Variants in PLEKHG3 observed in about 807,000 individuals in gnomAD.
PLEKHG3 encodes the protein pleckstrin homology domain-containing family G member 3.
PLEKHG3 carries 62 observed loss-of-function variants against 94.9 expected under a neutral mutation model. The ratio of observed to expected loss-of-function variants is 0.65; its 90% CI spans 0.53 to 0.81. The LOEUF (loss-of-function observed/expected upper bound fraction) is 0.81. Ranked by LOEUF, PLEKHG3 falls within the 30% of genes least tolerant of loss-of-function variation. The probability of loss-of-function intolerance (pLI) is 0.00; values close to 1 mark genes in which losing one functional copy is unlikely to be tolerated. For synonymous variants in PLEKHG3, 614 were observed against 654.0 expected (o/e 0.94, Z 0.93); for missense variants, 1,461 against 1,619.3 (o/e 0.90, Z 1.68).
rs1421108702 is a variant in PLEKHG3, at chr14:64,722,644, G to A, written c.-39-4949G>A. ...CTGGCTCCAAAGCAGCTGTGGTGCGGTGTGGCTTCTCATTCTTGAGTGTGG... is the reference window on the plus strand; with the variant it reads ...CTGGCTCCAAAGCAGCTGTGGTGCGATGTGGCTTCTCATTCTTGAGTGTGG... On this transcript the variant is annotated intron_variant, in intron 1 of 16. Transcript: ENST00000247226. The surrounding 1 kb of genome is among the most constrained non-coding windows in gnomAD (Gnocchi z 4.3). Among the ~76,000 whole-genome samples, 1 of 152,208 alleles carries A rather than the reference G, an allele frequency of 6.6e-6. No homozygotes were observed. The highest frequency in any genetic ancestry group is 2.4e-5 in the African/African-American group (1 of 41,454).
Position 64,727,666 on chromosome 14 carries a change from G to A in PLEKHG3, c.35G>A (p.Ser12Asn). ...TCCACCTCCCTCCACCAGGATGGCA[G>A]CCAGGAGCGGCCGGTGAGCCTGACC... ...PVSTSLHQDG[S>N]QERPVSLTST... The change falls in exon 2 of 17, where the codon AGC (serine) becomes AAC (asparagine). Residue 12 changes from serine to asparagine, a missense_variant. By Grantham distance (46) the Ser-to-Asn change is conservative. Coordinates refer to ENST00000247226, the MANE Select transcript of PLEKHG3 (RefSeq NM_001308147.2). The surrounding 1 kb of genome is among the most constrained non-coding windows in gnomAD (Gnocchi z 6.0). 1.2e-6 allele frequency: 2 copies of A among 1,612,442 alleles called. No individual in the cohort carries two copies. The highest frequency in any genetic ancestry group is 1.7e-6 in the Non-Finnish European group (2 of 1,179,662).
chr14:64,728,067 C>A lies in PLEKHG3; in HGVS notation c.351+85C>A, dbSNP rs771437214. The stretch of plus-strand genomic sequence containing the variant: ...GGAAGCTCTCAAAAGACCTGCTTCC[C>A]ATAAAGTAGTTGGAGAACTGGGGTC... On this transcript the variant is annotated intron_variant, in intron 2 of 16. Transcript: ENST00000247226. The surrounding 1 kb of genome is among the most constrained non-coding windows in gnomAD (Gnocchi z 5.9). The A allele has an allele frequency of 1.1e-6, 1 of 878,854 alleles. No homozygotes were observed. The highest frequency in any genetic ancestry group is 1.7e-6 in the Non-Finnish European group (1 of 592,712). The allele number at this position is 878,854 out of a possible 1,614,324, so 54.4% of individuals were successfully genotyped here.
At chr14:64,724,484 TGACC>T (rs1377511330) in intron 1 of PLEKHG3, among the ~76,000 whole-genome samples, 2 of 152,208 alleles carry the variant, frequency 1.3e-5, no homozygotes, top group African/African-American at 2.4e-5. Flanking sequence ...CCAATCCTGG[TGACC>T]TCATACTTTC....
rs981107219 is a variant in PLEKHG3, at chr14:64,715,885, C to T, written c.-40+11181C>T. The T allele has an allele frequency of 2.8e-6, 1 of 361,170 alleles. No homozygotes were observed. Among genetic ancestry groups the T allele is most frequent in the South Asian group, 2.0e-5 (1 of 50,606 alleles). 22.4% of individuals were successfully genotyped at this position (361,170 alleles called of 1,614,324 possible). A position where few individuals can be genotyped will look rare whatever the true frequency, so the allele number is the denominator to read the frequency against. ...ATGAGAGAAATGCAGAAAGTATGAC[C>T]CACACGCAGAACTGGTTCTGAATAG... On this transcript the variant is annotated intron_variant, in intron 1 of 16. Coordinates refer to ENST00000247226, the MANE Select transcript of PLEKHG3 (RefSeq NM_001308147.2). This position sits in a 1 kb window ranked among gnomAD's most constrained non-coding sequence, Gnocchi z 4.4.
chr14:64,749,258 C>T lies in PLEKHG3; in HGVS notation c.*5555C>T, dbSNP rs1316917924. The stretch of plus-strand genomic sequence containing the variant: ...CGAGAGGAGGCCAAGGCCTGGGCTG[C>T]CCGGTCTCTGCGCGTCCCGACTCCG... On this transcript the variant is annotated 3_prime_UTR_variant, in exon 17 of 17. Coordinates refer to ENST00000247226, the MANE Select transcript of PLEKHG3 (RefSeq NM_001308147.2). The surrounding 1 kb of genome is among the most constrained non-coding windows in gnomAD (Gnocchi z 4.7). 1.9e-6 allele frequency: 3 copies of T among 1,538,760 alleles called. 1 individual carries two copies. Among genetic ancestry groups the T allele is most frequent in the Non-Finnish European group, 2.6e-6 (3 of 1,147,274 alleles).
Position 64,730,774 on chromosome 14 carries a change from T to C in PLEKHG3, c.567-25T>C, listed in dbSNP as rs2081442915. 6.2e-7 allele frequency: 1 copy of C among 1,612,308 alleles called. No individual in the cohort carries two copies. Among genetic ancestry groups the C allele is most frequent in the Non-Finnish European group, 8.5e-7 (1 of 1,178,652 alleles). On this transcript the variant is annotated intron_variant, in intron 5 of 16. Coordinates refer to ENST00000247226, the MANE Select transcript of PLEKHG3 (RefSeq NM_001308147.2). This position sits in a 1 kb window ranked among gnomAD's most constrained non-coding sequence, Gnocchi z 5.4. ...CCTCATCCAGGCCTTCCCCAGGTGGTGACTGGCCCTTCTCCCACTCCCAGC... is the reference window on the plus strand; with the variant it reads ...CCTCATCCAGGCCTTCCCCAGGTGGCGACTGGCCCTTCTCCCACTCCCAGC...
chr14:64,737,145 C>A (rs2081587220), intron 13 of PLEKHG3: 1 of 649,080 alleles, frequency 1.5e-6, no homozygotes, highest in Non-Finnish European at 2.8e-6. Flanking sequence ...CAGGCACAGA[C>A]CTGCGCTGCT....
intron 1 of PLEKHG3, among the ~76,000 whole-genome samples, chr14:64,713,973 G>A (rs2081099235): frequency 6.6e-6 from 1 of 151,840 alleles, no homozygotes; most frequent in Non-Finnish European, 1.5e-5. Flanking sequence ...TAATTGGCCT[G>A]TTCCTTACCC....
chr14:64,719,041 T>G (rs886906190), intron 1 of PLEKHG3, among the ~76,000 whole-genome samples: 3 of 152,160 alleles, frequency 2.0e-5, no homozygotes, highest in Non-Finnish European at 4.4e-5. Context: ...CGGACTCACT[T>G]AATACTTCAT....
At chr14:64,729,198 G>A (rs1273464164) in intron 3 of PLEKHG3, 105 bp downstream of exon 3, 1 of 575,260 alleles carries the variant, frequency 1.7e-6, no homozygotes, top group Non-Finnish European at 3.1e-6. Context: ...TGTGACATGT[G>A]GGCCTGGGGC....
At chr14:64,729,161 C>A in intron 3 of PLEKHG3, 68 bp downstream of exon 3, 1 of 661,908 alleles carries the variant, frequency 1.5e-6, no homozygotes. Context: ...TAGGGAGGAA[C>A]CCTGGATGTC....
chr14:64,710,651 A>G (rs1334156704), intron 1 of PLEKHG3, among the ~76,000 whole-genome samples: 2 of 152,184 alleles, frequency 1.3e-5, no homozygotes, highest in Non-Finnish European at 2.9e-5. Flanking sequence ...AGCCTGGGCG[A>G]CAAGAGCAGA....
Position 64,730,399 on chromosome 14 carries a change from C to A in PLEKHG3, c.519+87C>A. Reference sequence around the variant, plus strand: ...TGCCAGCATAAGAGGACATCTGAGTCCTGGGGATTCCTTTCCAGGGAAAGT... The same window carrying A: ...TGCCAGCATAAGAGGACATCTGAGTACTGGGGATTCCTTTCCAGGGAAAGT... On this transcript the variant is annotated intron_variant, in intron 4 of 16. Coordinates refer to ENST00000247226, the MANE Select transcript of PLEKHG3 (RefSeq NM_001308147.2). This position sits in a 1 kb window ranked among gnomAD's most constrained non-coding sequence, Gnocchi z 5.4. 1.1e-6 allele frequency: 1 copy of A among 909,068 alleles called. No homozygotes were observed. Among genetic ancestry groups the A allele is most frequent in the South Asian group, 1.4e-5 (1 of 70,716 alleles). 56.3% of individuals were successfully genotyped at this position (909,068 alleles called of 1,614,324 possible).
At position 64,737,802 on chromosome 14, in the gene PLEKHG3, G is replaced by A. The variant is rs1438667787; in HGVS notation, c.1404+427G>A. ...GAAGGCTCCCCCCCCGCAGCTGCCTGCAGGAGGACGGGAGGTTGCCCAAGA... is the reference window on the plus strand; with the variant it reads ...GAAGGCTCCCCCCCCGCAGCTGCCTACAGGAGGACGGGAGGTTGCCCAAGA... On this transcript the variant is annotated intron_variant, in intron 14 of 16. Transcript: ENST00000247226. 3.3e-6 allele frequency: 3 copies of A among 922,658 alleles called. No individual in the cohort carries two copies. In the Admixed American group the frequency reaches 1.4e-4, roughly 42 times the overall value. The allele number at this position is 922,658 out of a possible 1,614,324, so 57.2% of individuals were successfully genotyped here.
In PLEKHG3 at chr14:64,732,219, T is replaced by G. The variant is rs371009157; in HGVS notation, c.1212+38T>G. On this transcript the variant is annotated intron_variant, in intron 10 of 16. Transcript: ENST00000247226. The surrounding 1 kb of genome is among the most constrained non-coding windows in gnomAD (Gnocchi z 4.9). ...AGCTCCTGACTGTGTGCAAGGAGAA[T>G]GTGCTCCTCTGAGCCAGCTCTGCAA... The G allele has an allele frequency of 6.5e-7, 1 of 1,550,324 alleles. No individual in the cohort carries two copies. The highest frequency in any genetic ancestry group is 1.7e-5 in the Admixed American group (1 of 59,928).
Position 64,747,334 on chromosome 14 carries a change from T to G in PLEKHG3, c.*3631T>G, listed in dbSNP as rs2081862460. On this transcript the variant is annotated 3_prime_UTR_variant, in exon 17 of 17. Transcript: ENST00000247226. ...CCCCAGAGGAGGACATGCCTGCAAG[T>G]GCACCAAAGGCCTACTTTATTGCTA... 6.5e-6 allele frequency: 1 copy of G among 152,808 alleles called. No homozygotes were observed. Among genetic ancestry groups the G allele is most frequent in the South Asian group, 2.1e-4 (1 of 4,832 alleles). 9.5% of individuals were successfully genotyped at this position (152,808 alleles called of 1,614,324 possible).
At position 64,730,416 on chromosome 14, in the gene PLEKHG3, A is replaced by G; in HGVS notation, c.519+104A>G. On this transcript the variant is annotated intron_variant, in intron 4 of 16. Transcript: ENST00000247226. This position sits in a 1 kb window ranked among gnomAD's most constrained non-coding sequence, Gnocchi z 5.4. ...ATCTGAGTCCTGGGGATTCCTTTCCAGGGAAAGTCCTGGGTGCTCTATCTT... is the reference window on the plus strand; with the variant it reads ...ATCTGAGTCCTGGGGATTCCTTTCCGGGGAAAGTCCTGGGTGCTCTATCTT... 3.5e-6 allele frequency: 3 copies of G among 851,354 alleles called. No individual in the cohort carries two copies. The highest frequency in any genetic ancestry group is 5.7e-6 in the Non-Finnish European group (3 of 526,620). The allele number at this position is 851,354 out of a possible 1,614,324, so 52.7% of individuals were successfully genotyped here.
At position 64,731,638 on chromosome 14, in the gene PLEKHG3, A is replaced by G; in HGVS notation, c.1033-76A>G. The G allele has an allele frequency of 6.6e-7, 1 of 1,516,614 alleles. No homozygotes were observed. Among genetic ancestry groups the G allele is most frequent in the African/African-American group, 1.4e-5 (1 of 72,910 alleles). The allele number at this position is 1,516,614 out of a possible 1,614,324, so 93.9% of individuals were successfully genotyped here. On this transcript the variant is annotated intron_variant, in intron 8 of 16. Transcript: ENST00000247226. The surrounding 1 kb of genome is among the most constrained non-coding windows in gnomAD (Gnocchi z 6.1). Reference sequence around the variant, plus strand: ...GTCTGCTTCTTGGGGCTCCAGCACCACCCTTCTGAGATCACCCTCCCTGCT... The same window carrying G: ...GTCTGCTTCTTGGGGCTCCAGCACCGCCCTTCTGAGATCACCCTCCCTGCT...
intron 1 of PLEKHG3, among the ~76,000 whole-genome samples, chr14:64,712,665 A>G (rs1205647276): frequency 1.3e-5 from 2 of 152,112 alleles, no homozygotes; most frequent in Non-Finnish European, 2.9e-5. Context: ...TTGATCTTGT[A>G]TTCTGGTACA....
Sources: allele counts gnomAD v4.1 joint callset (sites outside exome capture counted in the v4.1 genomes callset), GRCh38; gene constraint gnomAD v4.1.1; non-coding constraint Gnocchi (gnomAD v3.1); transcripts MANE v1.5; gene names NCBI Gene and HGNC (gene_info 2026-07-23, HGNC 2026-07-21).